Variants in FAM227A observed in about 807,000 individuals in gnomAD.
FAM227A encodes the protein protein FAM227A.
Under a neutral mutation model 74.7 loss-of-function variants are expected in FAM227A, and 80 were observed. The ratio of observed to expected loss-of-function variants is 1.07; its 90% CI spans 0.89 to 1.29. The LOEUF is 1.29. Ranked by LOEUF, FAM227A falls within the 50% of genes most tolerant of loss-of-function variation. FAM227A has a pLI of 0.00. For synonymous variants in FAM227A, 237 were observed against 241.8 expected (o/e 0.98, Z 0.19); for missense variants, 654 against 683.4 (o/e 0.96, Z 0.48).
Position 38,623,153 on chromosome 22 carries a change from G to A in FAM227A, c.958+19C>T. Reference sequence around the variant, plus strand: ...ATGGCAGTGGCAAAGAAGGCGGGAGGCTGTACCTGCTATCTTACCCTTTGT... The same window carrying A: ...ATGGCAGTGGCAAAGAAGGCGGGAGACTGTACCTGCTATCTTACCCTTTGT... On this transcript the variant is annotated intron_variant, in intron 10 of 16. Transcript: ENST00000535113. The A allele has an allele frequency of 1.3e-6, 2 of 1,505,972 alleles. No individual in the cohort carries two copies. The highest frequency in any genetic ancestry group is 2.4e-5 in the South Asian group (2 of 83,144). 93.3% of individuals were successfully genotyped at this position (1,505,972 alleles called of 1,614,324 possible).
rs180849222 is a variant in FAM227A, at chr22:38,583,065, G to C, written c.*3060C>G. The C allele has an allele frequency of 1.4e-5, 16 of 1,179,504 alleles. No homozygotes were observed. In the African/African-American group the frequency reaches 2.4e-4, roughly 18 times the overall value. The allele number at this position is 1,179,504 out of a possible 1,614,324, so 73.1% of individuals were successfully genotyped here. A position where few individuals can be genotyped will look rare whatever the true frequency, so the allele number is the denominator to read the frequency against. On this transcript the variant is annotated 3_prime_UTR_variant, in exon 17 of 17. Transcript: ENST00000535113. ...AGAAACTGCAAATGAAGAGTTGACA[G>C]TGGCTGGGGTAGTAAAGGGAAGGTG...
At chr22:38,621,903 C>T (rs753277647) in intron 10 of FAM227A, among the ~76,000 whole-genome samples, 2 of 152,142 alleles carry the variant, frequency 1.3e-5, no homozygotes, top group Non-Finnish European at 2.9e-5. Flanking sequence ...CCCGCTGTTG[C>T]CTTACCCCTC....
At chr22:38,599,268 C>A (rs565369529) in intron 14 of FAM227A, among the ~76,000 whole-genome samples, 7 of 152,038 alleles carry the variant, frequency 4.6e-5, no homozygotes, top group Middle Eastern at 3.4e-3. Context: ...GCCAACCACA[C>A]CTGTTCTCTT....
chr22:38,612,428 A>G (rs187285934), intron 11 of FAM227A, among the ~76,000 whole-genome samples: 4 of 152,116 alleles, frequency 2.6e-5, no homozygotes, highest in Admixed American at 2.6e-4. Context: ...GCCTTTGCAC[A>G]TGCTGTCCCT....
intron 11 of FAM227A, among the ~76,000 whole-genome samples, chr22:38,618,899 A>G (rs1021101444): frequency 6.6e-6 from 1 of 152,104 alleles, no homozygotes; most frequent in African/African-American, 2.4e-5. Flanking sequence ...TTTATTTTCA[A>G]AAACAGGCAG....
intron 11 of FAM227A, among the ~76,000 whole-genome samples, chr22:38,615,309 C>G (rs961530953): frequency 1.3e-5 from 2 of 152,180 alleles, no homozygotes; most frequent in Non-Finnish European, 2.9e-5. Context: ...CAGGCTTGAG[C>G]CATCGCGCCC....
intron 1 of FAM227A, among the ~76,000 whole-genome samples, chr22:38,653,115 T>C (rs2092345834): frequency 6.6e-6 from 1 of 152,128 alleles, no homozygotes; most frequent in Non-Finnish European, 1.5e-5. Flanking sequence ...TTCTGTCAGA[T>C]GAGCTTCAAC....
intron 8 of FAM227A, among the ~76,000 whole-genome samples, chr22:38,626,891 A>AAAAAAAATATAT (rs1555966996): frequency 1.6e-4 from 9 of 57,686 alleles, no homozygotes; most frequent in African/African-American, 6.1e-4. Context: ...AAAAAAAAAA[A>AAAAAAAATATAT]ATATATATAT....
chr22:38,606,141 A>G (rs964924199), intron 12 of FAM227A, among the ~76,000 whole-genome samples: 16 of 152,054 alleles, frequency 1.1e-4, no homozygotes, highest in African/African-American at 3.4e-4. Flanking sequence ...CCCAGAGCCC[A>G]TTGGAATTAT....
At chr22:38,652,404 G>A (rs1209066791) in intron 1 of FAM227A, among the ~76,000 whole-genome samples, 1 of 150,562 alleles carries the variant, frequency 6.6e-6, no homozygotes, top group Non-Finnish European at 1.5e-5. Flanking sequence ...TGGCTAACAT[G>A]GTGAAACCCC....
chr22:38,609,308 T>C (rs1044668645), intron 11 of FAM227A, among the ~76,000 whole-genome samples: 4 of 152,216 alleles, frequency 2.6e-5, no homozygotes, highest in Non-Finnish European at 5.9e-5. Flanking sequence ...AAATACAATC[T>C]TTATTTCAGC....
chr22:38,611,893 C>T (rs1026541268), intron 11 of FAM227A, among the ~76,000 whole-genome samples: 2 of 152,148 alleles, frequency 1.3e-5, no homozygotes, highest in Non-Finnish European at 2.9e-5. Context: ...CAAAGTTGAA[C>T]TCTTGATAGC....
chr22:38,641,022 T>G (rs568583058), intron 3 of FAM227A, among the ~76,000 whole-genome samples: 18 of 152,304 alleles, frequency 1.2e-4, no homozygotes, highest in African/African-American at 4.3e-4. Context: ...TGGATGGGTA[T>G]GAGTCACTGT....
At chr22:38,651,830 A>G (rs2092327534) in intron 1 of FAM227A, among the ~76,000 whole-genome samples, 1 of 152,186 alleles carries the variant, frequency 6.6e-6, no homozygotes, top group East Asian at 1.9e-4. Flanking sequence ...GTGGAAGAGT[A>G]AGAAACCTTC....
chr22:38,648,681 A>G (rs1282171767), intron 2 of FAM227A, among the ~76,000 whole-genome samples: 1 of 151,360 alleles, frequency 6.6e-6, no homozygotes, highest in African/African-American at 2.4e-5. Context: ...TGATTTAAAA[A>G]TGGGCTAAAG....
rs1427829247 is a variant in FAM227A, at chr22:38,597,194, C to G, written c.1532+10G>C. 1.3e-6 allele frequency: 2 copies of G among 1,551,966 alleles called. No individual in the cohort carries two copies. The highest frequency in any genetic ancestry group is 3.9e-5 in the Admixed American group (2 of 50,998). Reference sequence around the variant, plus strand: ...CGGAACAACGGCATTCCCCAAAGCCCCTTCCATACCTGGAGAAGTTGTCTT... The same window carrying G: ...CGGAACAACGGCATTCCCCAAAGCCGCTTCCATACCTGGAGAAGTTGTCTT... On this transcript the variant is annotated intron_variant, in intron 15 of 16. Transcript: ENST00000535113.
intron 9 of FAM227A, 139 bp from the exon 10 acceptor site, chr22:38,623,418 T>C: frequency 1.8e-6 from 1 of 563,028 alleles, no homozygotes; most frequent in Non-Finnish European, 3.2e-6. Flanking sequence ...ACTCCGTCTC[T>C]ATTTAAAAAG....
At position 38,620,220 on chromosome 22, in the gene FAM227A, GGTAGAATTT is replaced by G. The variant is rs1569213830; in HGVS notation, c.1021_1029del (p.Lys341_Tyr343del). 6.4e-7 allele frequency: 1 copy of G among 1,550,700 alleles called. No homozygotes were observed. The highest frequency in any genetic ancestry group is 8.7e-7 in the Non-Finnish European group (1 of 1,146,338). On this transcript the variant is annotated inframe_deletion, in exon 11 of 17. Transcript: ENST00000535113. ...CGTGCCTCCCCACTTACCTGAGGGTGGTAGAATTTCCTGCTCTGGGCTGGCTTCTGGGAG... is the reference window on the plus strand; with the variant it reads ...CGTGCCTCCCCACTTACCTGAGGGTGCCTGCTCTGGGCTGGCTTCTGGGAG...
intron 11 of FAM227A, among the ~76,000 whole-genome samples, chr22:38,612,857 C>T (rs775109881): frequency 4.0e-5 from 6 of 151,068 alleles, no homozygotes; most frequent in Non-Finnish European, 7.4e-5. Flanking sequence ...GCAGCATGGC[C>T]TCTGAAGCTA....
Sources: allele counts gnomAD v4.1 joint callset (sites outside exome capture counted in the v4.1 genomes callset), GRCh38; gene constraint gnomAD v4.1.1; transcripts MANE v1.5; gene names NCBI Gene and HGNC (gene_info 2026-07-23, HGNC 2026-07-21).